PSG11: variants seen among roughly 807,000 people sequenced by gnomAD.
PSG11 encodes the protein pregnancy specific beta-1-glycoprotein 11.
A neutral mutation model predicts 36.0 loss-of-function variants in PSG11; 42 were observed. The ratio of observed to expected loss-of-function variants is 1.17; its 90% confidence interval spans 0.91 to 1.51. The LOEUF is 1.51. Ranked by LOEUF, PSG11 falls within the 40% of genes most tolerant of loss-of-function variation. The pLI, the probability that PSG11 is intolerant of heterozygous loss-of-function variation, is 0.00. For missense variants in PSG11, 558 were observed against 403.5 expected, an observed-to-expected ratio of 1.38 and a Z score of -3.28; for synonymous variants, 206 against 153.5, an observed-to-expected ratio of 1.34 and a Z score of -2.53.
chr19:43,009,935 G>T, intron 5 of PSG11, 23 bp downstream of exon 5: 1 of 1,518,446 alleles, frequency 6.6e-7, no homozygotes, highest in Non-Finnish European at 9.1e-7. Context: ...CAGGAACCAG[G>T]ATAAGAGAAA....
intron 4 of PSG11, among the ~76,000 whole-genome samples, chr19:43,012,777 A>G (rs1974108878): frequency 6.6e-6 from 1 of 151,392 alleles, no homozygotes; most frequent in Non-Finnish European, 1.5e-5. Flanking sequence ...CAGAAAAAGA[A>G]AAATCTGTCC....
In PSG11 at chr19:43,015,138, T is replaced by G. The variant is rs372323550; in HGVS notation, c.942A>C (p.Thr314=). 24 of 1,611,882 alleles carry G rather than the reference T, an allele frequency of 1.5e-5. No homozygotes were observed. The highest frequency in any genetic ancestry group is 1.9e-5 in the Non-Finnish European group (22 of 1,178,966). Residue 314 remains threonine (T), a synonymous_variant, in exon 4 of 6, where the codon ACA becomes ACC. Transcript: ENST00000320078. ...TACCAATGACTCTGATTGTCAAGGA[T>G]GTGGAGCTTTCCTCGCCAGTGGCTG... ...RNSATGEESS[T]SLTIRVIAPP...
chr19:43,011,489 A>C (rs574848830), intron 4 of PSG11, among the ~76,000 whole-genome samples: 13 of 151,558 alleles, frequency 8.6e-5, no homozygotes, highest in South Asian at 4.2e-4. Context: ...AGAGAAATTA[A>C]TGAAACCAAA....
intron 2 of PSG11, among the ~76,000 whole-genome samples, chr19:43,023,760 G>A (rs1439021552): frequency 2.0e-5 from 3 of 151,130 alleles, no homozygotes; most frequent in African/African-American, 4.9e-5. Flanking sequence ...CAGTGACTGT[G>A]CCTTCCTGTG....
rs1259723286 is a variant in PSG11 at position 43,018,856 on chromosome 19, G to C, written c.623C>G (p.Thr208Arg). The C allele has an allele frequency of 8.7e-6, 14 of 1,612,106 alleles. 1 individual carries two copies. The highest frequency in any genetic ancestry group is 1.2e-5 in the Non-Finnish European group (14 of 1,179,056). ...TNRTLFLFGV[T>R]KYTAGPYECE... ...TTCATAGGGTCCTGCAGTATACTTT[G>C]TGACACCAAATAGAAAGAGGGTCCT... The change falls in exon 3 of 6, where the codon ACA (threonine) becomes AGA (arginine). Residue 208 changes from threonine to arginine, a missense_variant. Thr to Arg is a moderately conservative substitution (Grantham distance 71, BLOSUM62 -1). Coordinates refer to ENST00000320078, the MANE Select transcript of PSG11 (RefSeq NM_002785.3).
intron 4 of PSG11, among the ~76,000 whole-genome samples, chr19:43,011,721 A>G (rs1342610069): frequency 6.6e-6 from 1 of 150,910 alleles, no homozygotes; most frequent in African/African-American, 2.4e-5. Flanking sequence ...TACTGTCTCT[A>G]CAAAAAAATT....
rs1267022883 is a variant in PSG11, at chr19:43,018,956, C to T, written c.523G>A (p.Asp175Asn). 4.3e-6 allele frequency: 7 copies of T among 1,612,122 alleles called. 1 individual carries two copies. In the South Asian group the frequency reaches 7.7e-5, roughly 18 times the overall value. ...VILTCNPETP[D>N]ASYLWWMNGQ... is the part of the protein sequence containing the mutation. ...TTCATCCACCACAGGTAGCTTGCGT[C>T]CGGAGTCTCAGGATTACAGGTTAAG... Residue 175 changes from aspartate to asparagine, a missense_variant, in exon 3 of 6, where the codon GAC becomes AAC. Coordinates refer to ENST00000320078, the MANE Select transcript of PSG11 (RefSeq NM_002785.3).
chr19:43,025,520 T>A (rs1392947730), intron 1 of PSG11, among the ~76,000 whole-genome samples: 1 of 151,110 alleles, frequency 6.6e-6, no homozygotes, highest in Non-Finnish European at 1.5e-5. Flanking sequence ...TCTTTGCATG[T>A]CTGACTTCCT....
chr19:43,013,609 G>A (rs1190858094), intron 4 of PSG11, among the ~76,000 whole-genome samples: 11 of 151,308 alleles, frequency 7.3e-5, no homozygotes, highest in South Asian at 2.1e-4. Context: ...AACAATGACA[G>A]CAACACAAAA....
At chr19:43,020,468 A>T (rs1967076460) in intron 2 of PSG11, among the ~76,000 whole-genome samples, 1 of 151,116 alleles carries the variant, frequency 6.6e-6, no homozygotes, top group Admixed American at 6.6e-5. Flanking sequence ...AGGAGATTAG[A>T]CCTCATGTTG....
At chr19:43,020,280 G>T (rs1371817000) in intron 2 of PSG11, among the ~76,000 whole-genome samples, 1 of 151,414 alleles carries the variant, frequency 6.6e-6, no homozygotes, top group Admixed American at 6.6e-5. Context: ...TGCAGTACAT[G>T]TACTGGTTTA....
At chr19:43,024,050 A>C (rs1021884807) in intron 2 of PSG11, among the ~76,000 whole-genome samples, 2 of 151,466 alleles carry the variant, frequency 1.3e-5, no homozygotes, top group African/African-American at 4.9e-5. Flanking sequence ...CTCCTAAGGC[A>C]GTTGGCTGAT....
At chr19:43,016,870 A>C (rs569396140) in intron 3 of PSG11, among the ~76,000 whole-genome samples, 37 of 151,626 alleles carry the variant, frequency 2.4e-4, no homozygotes, top group Admixed American at 5.3e-4. Flanking sequence ...GCAAATGCAG[A>C]ACTGACTGGT....
At chr19:43,015,715 T>G (rs986662803) in intron 3 of PSG11, 2 of 1,600,368 alleles carry the variant, frequency 1.2e-6, no homozygotes, top group Admixed American at 1.7e-5. Context: ...GCCTGGCCCC[T>G]GGTCGTTTGG....
Position 43,015,237 on chromosome 19 carries a change from T to G in PSG11, c.843A>C (p.Leu281=), listed in dbSNP as rs1424871040. The part of the protein sequence containing the change: ...YSWTINGKFQ[L]SGQKLFIPQI... ...GAGGGATAAAGAGCTTTTGTCCTGATAGCTGAAACTTCCCATTAATTGTCC... is the reference window on the plus strand; with the variant it reads ...GAGGGATAAAGAGCTTTTGTCCTGAGAGCTGAAACTTCCCATTAATTGTCC... The change falls in exon 4 of 6, where the codon CTA becomes CTC. Residue 281 remains leucine, a synonymous_variant. Coordinates refer to ENST00000320078, the MANE Select transcript of PSG11 (RefSeq NM_002785.3). 1 of 1,611,500 alleles carries G rather than the reference T, an allele frequency of 6.2e-7. No homozygotes were observed. Among genetic ancestry groups the G allele is most frequent in the East Asian group, 2.2e-5 (1 of 44,812 alleles).
intron 3 of PSG11, among the ~76,000 whole-genome samples, chr19:43,017,827 T>C (rs1967004238): frequency 6.6e-6 from 1 of 151,614 alleles, no homozygotes; most frequent in African/African-American, 2.4e-5. Flanking sequence ...ATTTGACCTT[T>C]TTGGTTAAAC....
chr19:43,015,068 T>G (rs755363851), intron 4 of PSG11, 48 bp downstream of exon 4: 2 of 1,610,484 alleles, frequency 1.2e-6, no homozygotes, highest in South Asian at 2.2e-5. Context: ...GAAAGCTAGA[T>G]AGACTCCACC....
rs779903454 is a variant in PSG11, at chr19:43,026,402, T to C, written c.-30A>G. 6.2e-7 allele frequency: 1 copy of C among 1,606,088 alleles called. No individual in the cohort carries two copies. Among genetic ancestry groups the C allele is most frequent in the South Asian group, 1.1e-5 (1 of 90,652 alleles). On this transcript the variant is annotated 5_prime_UTR_variant, in exon 1 of 6. Coordinates refer to ENST00000320078, the MANE Select transcript of PSG11 (RefSeq NM_002785.3). The stretch of plus-strand genomic sequence containing the variant: ...TCTGCTGCGTGCATGTTCTCCTCTG[T>C]GGAGATGAGCCTAGGATCCAGAAGC...
At position 43,015,286 on chromosome 19, in the gene PSG11, G is replaced by A; in HGVS notation, c.794C>T (p.Ser265Phe). 2 of 1,611,118 alleles carry A rather than the reference G, an allele frequency of 1.2e-6. No individual in the cohort carries two copies. The highest frequency in any genetic ancestry group is 1.7e-6 in the Non-Finnish European group (2 of 1,178,150). Residue 265 changes from serine to phenylalanine, a missense_variant, in exon 4 of 6, where the codon TCT (serine) becomes TTT (phenylalanine). Ser to Phe is a radical substitution (Grantham distance 155, BLOSUM62 -2). Transcript: ENST00000320078. ...ENLDLSCFAN[S>F]NPPAQYSWTI... The stretch of plus-strand genomic sequence containing the variant: ...CCAAGAATACTGTGCTGGTGGGTTA[G>A]AGTTTGCGAAGCAGGACAAGTCGAG...
Sources: gnomAD v4.1 joint callset for allele counts (sites outside exome capture counted in the v4.1 genomes callset) on GRCh38, gnomAD v4.1.1 for gene constraint, MANE v1.5 for transcripts, NCBI Gene and HGNC (gene_info 2026-07-23, HGNC 2026-07-21) for gene names.